CERT1: variants seen among roughly 807,000 people sequenced by gnomAD.
The protein encoded by CERT1 is ceramide transfer protein.
In CERT1, 31 loss-of-function variants were observed where a neutral mutation model predicts 87.9. That is an observed-to-expected ratio of 0.35 (90% CI 0.27 to 0.48). The LOEUF is 0.48. Ranked by LOEUF, CERT1 falls within the 20% of genes least tolerant of loss-of-function variation. The pLI, the probability that CERT1 is intolerant of heterozygous loss-of-function variation, is 0.99. For synonymous variants in CERT1, 289 were observed against 250.9 expected, an observed-to-expected ratio of 1.15 and a Z score of -1.44; for missense variants, 487 against 758.0, an observed-to-expected ratio of 0.64 and a Z score of 4.20.
chr5:75,390,289 G>A (rs922419736), intron 11 of CERT1, among the ~76,000 whole-genome samples: 1 of 151,974 alleles, frequency 6.6e-6, no homozygotes, highest in African/African-American at 2.4e-5. Context: ...CTTTTATCAT[G>A]GAATATAAGC....
chr5:75,450,591 T>A (rs1764732458), intron 3 of CERT1, among the ~76,000 whole-genome samples: 1 of 152,138 alleles, frequency 6.6e-6, no homozygotes, highest in Non-Finnish European at 1.5e-5. Context: ...CTTTTAAGGA[T>A]CTGTATAGAA....
rs1291848564 is a variant in CERT1 at position 75,392,611 on chromosome 5, T to G, written c.1189-2924A>C. ...GTAACTTGGGCACTGGTGACCAGAC[T>G]GACACTTCAGATTTAACCTGATAAT... is the stretch of plus-strand genomic sequence containing the variant. On this transcript the variant is annotated intron_variant, in intron 11 of 16. Coordinates refer to ENST00000643780, the MANE Select transcript of CERT1 (RefSeq NM_001379029.1). Among the ~76,000 whole-genome samples the G allele has an allele frequency of 1.3e-5, 2 of 152,200 alleles. 1 individual carries two copies. The highest frequency in any genetic ancestry group is 2.9e-5 in the Non-Finnish European group (2 of 68,038).
At chr5:75,489,789 A>C (rs1335668135) in intron 2 of CERT1, among the ~76,000 whole-genome samples, 1 of 152,194 alleles carries the variant, frequency 6.6e-6, no homozygotes, top group Non-Finnish European at 1.5e-5. Flanking sequence ...TGTTGGTGGG[A>C]GTGTAAATTA....
At chr5:75,472,739 A>G (rs1416315171) in intron 2 of CERT1, among the ~76,000 whole-genome samples, 1 of 152,198 alleles carries the variant, frequency 6.6e-6, no homozygotes, top group Non-Finnish European at 1.5e-5. Flanking sequence ...TGAAATGGCT[A>G]TTAGCAAAAA....
chr5:75,379,476 G>A lies in CERT1; in HGVS notation c.1748-3C>T. The A allele has an allele frequency of 6.2e-7, 1 of 1,606,722 alleles. No homozygotes were observed. Among genetic ancestry groups the A allele is most frequent in the East Asian group, 2.2e-5 (1 of 44,806 alleles). On this transcript the variant is annotated splice_polypyrimidine_tract_variant and splice_region_variant and intron_variant, in intron 16 of 16. Coordinates refer to ENST00000643780, the MANE Select transcript of CERT1 (RefSeq NM_001379029.1). ...TGGTGCCCATCCTCCAGGGTTCACT[G>A]CAAGATAAAGGAAAATTAAAATGTA... is the stretch of plus-strand genomic sequence containing the variant.
At chr5:75,396,244 AC>A (rs1457608000) in intron 11 of CERT1, among the ~76,000 whole-genome samples, 2 of 152,332 alleles carry the variant, frequency 1.3e-5, no homozygotes, top group African/African-American at 4.8e-5. Context: ...CTGTATCTGG[AC>A]TTTTAAAATT....
intron 13 of CERT1, among the ~76,000 whole-genome samples, chr5:75,385,176 C>G (rs1246481801): frequency 6.6e-6 from 1 of 152,100 alleles, no homozygotes; most frequent in African/African-American, 2.4e-5. Context: ...GGAATACACA[C>G]TAAGAATAAC....
intron 2 of CERT1, among the ~76,000 whole-genome samples, chr5:75,490,070 A>G (rs1380466941): frequency 6.6e-6 from 1 of 152,210 alleles, no homozygotes; most frequent in African/African-American, 2.4e-5. Context: ...CGTGGAAACC[A>G]TCATTCTCAG....
intron 3 of CERT1, among the ~76,000 whole-genome samples, chr5:75,451,446 T>C (rs1764765675): frequency 6.6e-6 from 1 of 152,170 alleles, no homozygotes; most frequent in Non-Finnish European, 1.5e-5. Flanking sequence ...GGAAGTAAAA[T>C]TTGATCCTCT....
At position 75,511,065 on chromosome 5, in the gene CERT1, T is replaced by C. The variant is rs372851282; in HGVS notation, c.96+47A>G. The stretch of plus-strand genomic sequence containing the variant: ...CCACCGCCTCAGCGGATTGCCTCGC[T>C]GCAGGTGAGTCTGGCCAGGGGTCCC... On this transcript the variant is annotated intron_variant, in intron 1 of 16. Coordinates refer to ENST00000643780, the MANE Select transcript of CERT1 (RefSeq NM_001379029.1). The C allele has an allele frequency of 9.4e-5, 140 of 1,490,178 alleles. No individual in the cohort carries two copies. The African/African-American group carries it at 1.7e-3, about 18-fold the overall frequency. 92.3% of individuals were successfully genotyped at this position (1,490,178 alleles called of 1,614,324 possible).
chr5:75,381,008 T>G, intron 16 of CERT1, 64 bp downstream of exon 16: 1 of 1,554,964 alleles, frequency 6.4e-7, no homozygotes, highest in Non-Finnish European at 8.8e-7. Context: ...TCCAAATTGT[T>G]GTCATATAGG....
chr5:75,437,378 G>T (rs1236274401), intron 3 of CERT1, among the ~76,000 whole-genome samples: 1 of 152,190 alleles, frequency 6.6e-6, no homozygotes, highest in Non-Finnish European at 1.5e-5. Flanking sequence ...ACAGATAAAT[G>T]TGGAGGCTAC....
chr5:75,414,346 TA>T (rs200630908), intron 7 of CERT1, among the ~76,000 whole-genome samples: 2 of 151,950 alleles, frequency 1.3e-5, no homozygotes, highest in Non-Finnish European at 1.5e-5. Flanking sequence ...ATACAAACGT[TA>T]AAAAAAATCA....
chr5:75,459,928 C>T (rs1269777249), intron 2 of CERT1, among the ~76,000 whole-genome samples: 1 of 145,636 alleles, frequency 6.9e-6, no homozygotes, highest in Non-Finnish European at 1.5e-5. Context: ...CGCCACTGCT[C>T]TCCAGCCTGG....
chr5:75,374,640 G>T, downstream of CERT1: 1 of 653,420 alleles, frequency 1.5e-6, no homozygotes, highest in East Asian at 3.3e-5. Flanking sequence ...GAGTGTCTTT[G>T]ATGTCTATGT....
intron 12 of CERT1, among the ~76,000 whole-genome samples, chr5:75,388,599 CATATATATATATATATATATATATAT>C (rs59799780): frequency 0.19 from 17,509 of 92,034 alleles, 2,021 homozygotes; most frequent in South Asian, 0.39. Context: ...AGCATGCATG[CATATATATATATATATATATATATAT>C]ATATATATAT....
intron 2 of CERT1, among the ~76,000 whole-genome samples, chr5:75,464,102 T>A (rs1765352329): frequency 6.6e-6 from 1 of 152,062 alleles, no homozygotes; most frequent in African/African-American, 2.4e-5. Flanking sequence ...TAAACATCAG[T>A]TCTATGGGAA....
chr5:75,387,548 C>T (rs1761847260), intron 12 of CERT1, among the ~76,000 whole-genome samples: 1 of 151,918 alleles, frequency 6.6e-6, no homozygotes, highest in African/African-American at 2.4e-5. Flanking sequence ...TCAAGACCAG[C>T]CTAGCCAACA....
chr5:75,397,650 T>G (rs1762309154), intron 11 of CERT1, among the ~76,000 whole-genome samples: 1 of 152,234 alleles, frequency 6.6e-6, no homozygotes, highest in African/African-American at 2.4e-5. Context: ...AATGTGGAGC[T>G]TAGCACAATA....
Sources: allele counts gnomAD v4.1 joint callset (sites outside exome capture counted in the v4.1 genomes callset), GRCh38; gene constraint gnomAD v4.1.1; transcripts MANE v1.5; gene names NCBI Gene and HGNC (gene_info 2026-07-23, HGNC 2026-07-21).